The following LHX4 variants were observed in gnomAD, a reference collection of about 807,000 sequenced individuals.
LHX4 encodes LIM/homeobox protein Lhx4.
A neutral mutation model predicts 39.2 loss-of-function variants in LHX4; 16 were observed. That is an observed-to-expected ratio of 0.41 (90% CI 0.28 to 0.62). LHX4 has a LOEUF of 0.62. LHX4 is among the 20% of genes least tolerant of loss of function. LHX4 has a pLI of 0.33. For synonymous variants in LHX4, 206 were observed against 198.1 expected, an observed-to-expected ratio of 1.04 and a Z score of -0.33; for missense variants, 439 against 511.9, an observed-to-expected ratio of 0.86 and a Z score of 1.37.
intron 2 of LHX4, among the ~76,000 whole-genome samples, chr1:180,265,338 G>A (rs547773241): frequency 8.5e-5 from 13 of 152,232 alleles, no homozygotes; most frequent in African/African-American, 2.9e-4. Context: ...AATGCCTCCC[G>A]CCTCCCTCCT....
upstream of LHX4, among the ~76,000 whole-genome samples, chr1:180,229,989 G>GGCCCCGCCCCGCTCCCTGCC (rs1664133756): frequency 7.3e-6 from 1 of 136,074 alleles, no homozygotes; most frequent in South Asian, 2.5e-4. Context: ...CGGCTTGCGA[G>GGCCCCGCCCCGCTCCCTGCC]GCCCCGCCCC....
In LHX4 at chr1:180,274,560, T is replaced by C. The variant is rs1324490995; in HGVS notation, c.1154T>C (p.Met385Thr). ...PTSPGSWLDEMDHPPF is the reference protein window; with the variant it reads ...PTSPGSWLDETDHPPF ...AGCCCAGGCTCTTGGCTCGATGAAATGGATCATCCTCCTTTTTAAACTTCT... is the reference window on the plus strand; with the variant it reads ...AGCCCAGGCTCTTGGCTCGATGAAACGGATCATCCTCCTTTTTAAACTTCT... Residue 385 changes from methionine (M) to threonine (T), a missense_variant, in exon 6 of 6, where the codon ATG becomes ACG. Physicochemically the swap from Met to Thr is moderately conservative, Grantham distance 81. Coordinates refer to ENST00000263726, the MANE Select transcript of LHX4 (RefSeq NM_033343.4). 1.3e-6 allele frequency: 2 copies of C among 1,584,792 alleles called. No individual in the cohort carries two copies. Among genetic ancestry groups the C allele is most frequent in the African/African-American group, 1.3e-5 (1 of 74,676 alleles).
At chr1:180,259,156 G>A (rs956604775) in intron 2 of LHX4, among the ~76,000 whole-genome samples, 48 of 152,156 alleles carry the variant, frequency 3.2e-4, no homozygotes, top group African/African-American at 7.5e-4. Context: ...AGCAGAGGCC[G>A]GAGAGCACAG....
At chr1:180,269,445 A>G (rs993164860) in intron 3 of LHX4, among the ~76,000 whole-genome samples, 3 of 152,214 alleles carry the variant, frequency 2.0e-5, no homozygotes, top group Admixed American at 6.5e-5. Context: ...TTAAATTATA[A>G]TAACAGTGAA....
chr1:180,259,976 C>G (rs1648038955), intron 2 of LHX4, among the ~76,000 whole-genome samples: 1 of 151,454 alleles, frequency 6.6e-6, no homozygotes, highest in Admixed American at 6.6e-5. Flanking sequence ...AGGCCACAGC[C>G]TTCAGGAGGT....
chr1:180,230,701 AG>A lies in LHX4; in HGVS notation c.76+100del. On this transcript the variant is annotated intron_variant, in intron 1 of 5. Transcript: ENST00000263726. The surrounding 1 kb of genome is among the most constrained non-coding windows in gnomAD (Gnocchi z 5.8). ...GGCCGGACGCCGCTCAGGGGCCGGG[AG>A]GGGCTGGCGGCCGGGGCGCAGAGGC... The A allele has an allele frequency of 8.2e-7, 1 of 1,220,286 alleles. No homozygotes were observed. Among genetic ancestry groups the A allele is most frequent in the South Asian group, 1.3e-5 (1 of 79,878 alleles). The allele number at this position is 1,220,286 out of a possible 1,614,324, so 75.6% of individuals were successfully genotyped here. A position where few individuals can be genotyped will look rare whatever the true frequency, so the allele number is the denominator to read the frequency against.
chr1:180,251,752 G>A (rs1388556075), intron 2 of LHX4, among the ~76,000 whole-genome samples: 1 of 152,226 alleles, frequency 6.6e-6, no homozygotes, highest in African/African-American at 2.4e-5. Context: ...CACTTCCCTT[G>A]TTCCCGGCAC....
rs574064188 is a variant in LHX4 at position 180,264,975 on chromosome 1, C to T, written c.249-1417C>T. On this transcript the variant is annotated intron_variant, in intron 2 of 5. Transcript: ENST00000263726. ...CACTTTTCTCTGGGATGCTGTGTCCCTGGTGGGGGGCGTCTGAGGCTGCTG... is the reference window on the plus strand; with the variant it reads ...CACTTTTCTCTGGGATGCTGTGTCCTTGGTGGGGGGCGTCTGAGGCTGCTG... 4.1e-3 allele frequency among the ~76,000 whole-genome samples: 621 copies of T among 152,320 alleles called. 3 individuals are homozygous for T. The highest frequency in any genetic ancestry group is 0.014 in the African/African-American group (576 of 41,560).
At chr1:180,247,700 A>G (rs1357496189) in intron 1 of LHX4, among the ~76,000 whole-genome samples, 1 of 152,212 alleles carries the variant, frequency 6.6e-6, no homozygotes. Flanking sequence ...CAGCCAATCT[A>G]TGGTATCAGT....
chr1:180,230,913 G>A lies in LHX4; in HGVS notation c.76+308G>A, dbSNP rs75823355. Among the ~76,000 whole-genome samples the A allele has an allele frequency of 4.3e-4, 66 of 152,332 alleles. No homozygotes were observed. The highest frequency in any genetic ancestry group is 1.5e-3 in the African/African-American group (64 of 41,588). ...GCTGTTTGGGGACACCCAGGGGTAC[G>A]AGCTGTAGGCCAGGCCTGAGGGCGA... On this transcript the variant is annotated intron_variant, in intron 1 of 5. Transcript: ENST00000263726. The surrounding 1 kb of genome is among the most constrained non-coding windows in gnomAD (Gnocchi z 5.8).
chr1:180,249,943 TGTGTGA>T (rs1280312394), intron 2 of LHX4, among the ~76,000 whole-genome samples: 15 of 150,840 alleles, frequency 9.9e-5, no homozygotes, highest in South Asian at 6.3e-4. Flanking sequence ...GGGTGAGTGT[TGTGTGA>T]GTGTGAGAGT....
intron 1 of LHX4, among the ~76,000 whole-genome samples, chr1:180,235,325 C>G (rs892886665): frequency 3.3e-5 from 5 of 152,250 alleles, no homozygotes; most frequent in Admixed American, 3.3e-4. Flanking sequence ...CTTTGCTGCC[C>G]TTTAGAGTGG....
chr1:180,241,971 C>G (rs893295276), intron 1 of LHX4, among the ~76,000 whole-genome samples: 3 of 151,924 alleles, frequency 2.0e-5, no homozygotes, highest in African/African-American at 7.3e-5. Flanking sequence ...GTGCACCCGA[C>G]TATGCCTGGC....
chr1:180,228,452 T>G (rs991499367), upstream of LHX4, among the ~76,000 whole-genome samples: 1 of 152,126 alleles, frequency 6.6e-6, no homozygotes, highest in Non-Finnish European at 1.5e-5. Context: ...CTCCCGCGCG[T>G]CGGGCATCTC....
chr1:180,273,041 G>T (rs1648786148), intron 5 of LHX4: 1 of 151,724 alleles, frequency 6.6e-6, no homozygotes, highest in Admixed American at 6.6e-5. Context: ...CCTTTAAAGA[G>T]CATGAGCTCC....
At chr1:180,255,682 A>T (rs1288727877) in intron 2 of LHX4, among the ~76,000 whole-genome samples, 1 of 152,228 alleles carries the variant, frequency 6.6e-6, no homozygotes, top group Non-Finnish European at 1.5e-5. Context: ...AAGCTCCCCC[A>T]GGGACCGAGG....
Position 180,232,309 on chromosome 1 carries a change from G to A in LHX4, c.76+1704G>A, listed in dbSNP as rs986121389. Reference sequence around the variant, plus strand: ...ACCTGTCTGTTGGGACCCCAATGAAGGACGATGGTCTCTGCTCTGACGGCC... The same window carrying A: ...ACCTGTCTGTTGGGACCCCAATGAAAGACGATGGTCTCTGCTCTGACGGCC... On this transcript the variant is annotated intron_variant, in intron 1 of 5. Transcript: ENST00000263726. The surrounding 1 kb of genome is among the most constrained non-coding windows in gnomAD (Gnocchi z 5.4). Among the ~76,000 whole-genome samples the A allele has an allele frequency of 7.6e-4, 115 of 152,222 alleles. No individual in the cohort carries two copies. The highest frequency in any genetic ancestry group is 2.8e-3 in the African/African-American group (114 of 41,454).
intron 2 of LHX4, among the ~76,000 whole-genome samples, chr1:180,260,662 C>T (rs1571277525): frequency 6.6e-6 from 1 of 151,798 alleles, no homozygotes; most frequent in South Asian, 2.1e-4. Context: ...GGGCCAATTA[C>T]ATGTGTTGGG....
chr1:180,248,256 A>ACAGTG, intron 1 of LHX4, 29 bp from the exon 2 acceptor site: 2 of 1,611,780 alleles, frequency 1.2e-6, no homozygotes, highest in Non-Finnish European at 1.7e-6. Flanking sequence ...TGGAAGGCTC[A>ACAGTG]CAGTGCCTCT....
Sources: allele counts gnomAD v4.1 joint callset (sites outside exome capture counted in the v4.1 genomes callset), GRCh38; gene constraint gnomAD v4.1.1; non-coding constraint Gnocchi (gnomAD v3.1); transcripts MANE v1.5; gene names NCBI Gene and HGNC (gene_info 2026-07-23, HGNC 2026-07-21).